Variants in SAXO5 observed in about 807,000 individuals in gnomAD.
The protein encoded by SAXO5 is stabilizer of axonemal microtubules 5.
the SAXO5 span, chr19:7,505,915 C>G: frequency 1.3e-6 from 2 of 1,521,922 alleles, no homozygotes; most frequent in Non-Finnish European, 8.9e-7. Context: ...CCCCCGGGCC[C>G]GGGGACCTCT....
the SAXO5 span, chr19:7,506,754 C>G: frequency 2.4e-6 from 1 of 419,280 alleles, no homozygotes; most frequent in African/African-American, 2.1e-5. Flanking sequence ...TTCCCAGTTC[C>G]TCCCTCTTCC....
chr19:7,506,829 T>A, the SAXO5 span: 7 of 337,650 alleles, frequency 2.1e-5, no homozygotes, highest in African/African-American at 4.8e-5. Flanking sequence ...CCCCAGCGCC[T>A]ACCTCTTTCC....
At chr19:7,507,020 C>G in the SAXO5 span, 1 of 1,570,186 alleles carries the variant, frequency 6.4e-7, no homozygotes, top group Non-Finnish European at 8.8e-7. Flanking sequence ...CCTCGGCCCA[C>G]AGCCCTCACT....
chr19:7,504,390 C>A, the SAXO5 span: 1 of 1,614,076 alleles, frequency 6.2e-7, no homozygotes, highest in Non-Finnish European at 8.5e-7. Flanking sequence ...GCCTACAGGC[C>A]CCAGGATCTG....
chr19:7,498,199 A>C, the SAXO5 span, among the ~76,000 whole-genome samples: 39 of 147,094 alleles, frequency 2.7e-4, no homozygotes, highest in Non-Finnish European at 4.9e-4. Context: ...ACACACACAC[A>C]CCCTTCATCC....
At chr19:7,506,366 C>T in the SAXO5 span, 3 of 635,910 alleles carry the variant, frequency 4.7e-6, no homozygotes, top group East Asian at 8.8e-5. Context: ...CCGGCTTCAT[C>T]CCCTGAAAGG....
chr19:7,507,205 C>T, the SAXO5 span: 1 of 1,389,204 alleles, frequency 7.2e-7, no homozygotes, highest in South Asian at 1.2e-5. Context: ...AGAGTTATCT[C>T]AGGACGACTA....
At chr19:7,505,274 T>C in the SAXO5 span, 5 of 1,564,130 alleles carry the variant, frequency 3.2e-6, no homozygotes, top group South Asian at 5.5e-5. Flanking sequence ...TGGGCCACCA[T>C]GCCCAGCCCA....
chr19:7,501,450 C>CA, the SAXO5 span: 3 of 1,417,050 alleles, frequency 2.1e-6, no homozygotes, highest in East Asian at 5.6e-5. Context: ...TTGTGGTTCT[C>CA]AAACAGGGGC....
the SAXO5 span, among the ~76,000 whole-genome samples, chr19:7,500,496 G>A: frequency 6.6e-6 from 1 of 151,874 alleles, no homozygotes; most frequent in South Asian, 2.1e-4. Flanking sequence ...TTTTAGTACA[G>A]ACAGGGTTTC....
chr19:7,503,334 T>C, the SAXO5 span, among the ~76,000 whole-genome samples: 1 of 151,418 alleles, frequency 6.6e-6, no homozygotes, highest in African/African-American at 2.4e-5. Flanking sequence ...GCCACTGCAC[T>C]CCAGCATGGG....
chr19:7,504,217 G>A, the SAXO5 span: 7 of 1,614,168 alleles, frequency 4.3e-6, no homozygotes, highest in Non-Finnish European at 5.1e-6. Context: ...GCCTTGAGGT[G>A]TAAGAGGGTA....
At chr19:7,502,101 TTA>T in the SAXO5 span, among the ~76,000 whole-genome samples, 4 of 151,940 alleles carry the variant, frequency 2.6e-5, no homozygotes, top group South Asian at 2.1e-4. Context: ...TATTTTTTTA[TTA>T]TATATATATG....
the SAXO5 span, among the ~76,000 whole-genome samples, chr19:7,498,368 G>T: frequency 6.7e-6 from 1 of 149,110 alleles, no homozygotes; most frequent in Non-Finnish European, 1.5e-5. Context: ...ATACTACCAT[G>T]CCCAGCTAAT....
At chr19:7,498,313 C>T in the SAXO5 span, among the ~76,000 whole-genome samples, 1 of 150,482 alleles carries the variant, frequency 6.6e-6, no homozygotes, top group Admixed American at 6.7e-5. Context: ...CAGGTTCAAG[C>T]GGTTCTCCCG....
At chr19:7,508,390 T>C in the SAXO5 span, 1 of 1,612,998 alleles carries the variant, frequency 6.2e-7, no homozygotes, top group African/African-American at 1.3e-5. Context: ...GACCCTCTGG[T>C]CCCCCAGCCC....
chr19:7,505,965 C>T, the SAXO5 span: 12 of 1,577,882 alleles, frequency 7.6e-6, no homozygotes, highest in South Asian at 8.0e-5. Context: ...GTCCTACAGC[C>T]GCCACCCCCG....
At chr19:7,507,610 C>T in the SAXO5 span, among the ~76,000 whole-genome samples, 1 of 151,660 alleles carries the variant, frequency 6.6e-6, no homozygotes, top group Non-Finnish European at 1.5e-5. Context: ...TAGAGGTCAT[C>T]TCTAGCTCAC....
At chr19:7,507,080 A>G in the SAXO5 span, 2 of 1,613,936 alleles carry the variant, frequency 1.2e-6, no homozygotes, top group South Asian at 1.1e-5. Flanking sequence ...ACCATGAACC[A>G]GAAGATGCTG....
Sources: allele counts gnomAD v4.1 joint callset (sites outside exome capture counted in the v4.1 genomes callset), GRCh38; gene constraint gnomAD v4.1.1; transcripts MANE v1.5; gene names NCBI Gene and HGNC (gene_info 2026-07-23, HGNC 2026-07-21).